The following PIP5K1B variants were observed in gnomAD, a reference collection of about 807,000 sequenced individuals.
PIP5K1B encodes phosphatidylinositol-4-phosphate 5-kinase type 1 beta.
In PIP5K1B, 42 loss-of-function variants were observed where a neutral mutation model predicts 67.0. The ratio of observed to expected loss-of-function variants is 0.63; its 90% confidence interval spans 0.49 to 0.81. The LOEUF (loss-of-function observed/expected upper bound fraction) is 0.81. Ranked by LOEUF, PIP5K1B falls within the 30% of genes least tolerant of loss-of-function variation. The pLI is 0.00. For missense variants in PIP5K1B, 459 were observed against 646.3 expected (o/e 0.71, Z 3.14); for synonymous variants, 214 against 231.4 (o/e 0.92, Z 0.68).
At chr9:68,854,649 T>C (rs1457633579) in intron 4 of PIP5K1B, among the ~76,000 whole-genome samples, 4 of 152,244 alleles carry the variant, frequency 2.6e-5, no homozygotes, top group African/African-American at 7.2e-5. Flanking sequence ...GAGCAACTCC[T>C]AAACATGCCT....
chr9:68,909,684 G>T (rs895805143), intron 8 of PIP5K1B, among the ~76,000 whole-genome samples: 1 of 152,124 alleles, frequency 6.6e-6, no homozygotes, highest in African/African-American at 2.4e-5. Context: ...TCTCTTGTGC[G>T]TTTTTTCTGT....
At chr9:68,764,626 A>G (rs1830344130) in intron 2 of PIP5K1B, among the ~76,000 whole-genome samples, 1 of 152,090 alleles carries the variant, frequency 6.6e-6, no homozygotes, top group Non-Finnish European at 1.5e-5. Flanking sequence ...GTTTAATGCT[A>G]TAATGTTACC....
At chr9:68,953,276 G>A (rs963241381) in intron 14 of PIP5K1B, among the ~76,000 whole-genome samples, 2 of 151,474 alleles carry the variant, frequency 1.3e-5, no homozygotes, top group East Asian at 3.9e-4. Context: ...TTTTTTGTTC[G>A]CTGAGATTTT....
intron 11 of PIP5K1B, among the ~76,000 whole-genome samples, chr9:68,920,761 C>T (rs1587668454): frequency 6.9e-6 from 1 of 144,852 alleles, no homozygotes; most frequent in East Asian, 2.1e-4. Context: ...CCCATTCCGT[C>T]TCTGTCTCTC....
intron 1 of PIP5K1B, among the ~76,000 whole-genome samples, chr9:68,733,748 T>G (rs1214743212): frequency 6.8e-6 from 1 of 147,798 alleles, no homozygotes; most frequent in Non-Finnish European, 1.5e-5. Flanking sequence ...CAGGCAATTC[T>G]CCTGCGTCAG....
intron 2 of PIP5K1B, among the ~76,000 whole-genome samples, chr9:68,762,087 A>T (rs1292140424): frequency 6.6e-6 from 1 of 152,100 alleles, no homozygotes; most frequent in Non-Finnish European, 1.5e-5. Context: ...TTAACTGAAG[A>T]GATTCTCTTC....
intron 8 of PIP5K1B, among the ~76,000 whole-genome samples, chr9:68,903,323 A>G (rs1825455750): frequency 6.6e-6 from 1 of 152,248 alleles, no homozygotes; most frequent in African/African-American, 2.4e-5. Flanking sequence ...AGGTTTTAGT[A>G]ATAACCTACA....
At chr9:68,941,764 A>T (rs1827573109) in intron 14 of PIP5K1B, among the ~76,000 whole-genome samples, 1 of 152,194 alleles carries the variant, frequency 6.6e-6, no homozygotes, top group African/African-American at 2.4e-5. Context: ...AAGAGGAATC[A>T]ATAAGGTAGA....
intron 2 of PIP5K1B, among the ~76,000 whole-genome samples, chr9:68,779,597 G>C (rs1002877105): frequency 2.0e-5 from 3 of 152,130 alleles, no homozygotes; most frequent in Admixed American, 1.3e-4. Flanking sequence ...CGTCAGGCCA[G>C]CCCTCACTCT....
intron 4 of PIP5K1B, among the ~76,000 whole-genome samples, chr9:68,830,130 CAAAAA>C (rs548319037): frequency 1.4e-5 from 2 of 143,986 alleles, no homozygotes; most frequent in Non-Finnish European, 3.1e-5. Flanking sequence ...GACCCCATCT[CAAAAA>C]AAAAAATAGT....
intron 15 of PIP5K1B, 34 bp downstream of exon 15, chr9:68,991,291 C>A (rs2132957105): frequency 8.8e-7 from 1 of 1,134,068 alleles, no homozygotes; most frequent in African/African-American, 1.5e-5. Flanking sequence ...TCCTCCACTT[C>A]TGGTTTGTAA....
intron 5 of PIP5K1B, among the ~76,000 whole-genome samples, chr9:68,866,325 C>T (rs1482388859): frequency 6.6e-6 from 1 of 151,520 alleles, no homozygotes; most frequent in Non-Finnish European, 1.5e-5. Context: ...AAATTACCTC[C>T]CTCATTTTCT....
chr9:68,915,914 A>G (rs1183741122), intron 8 of PIP5K1B, among the ~76,000 whole-genome samples: 1 of 152,236 alleles, frequency 6.6e-6, no homozygotes, highest in Non-Finnish European at 1.5e-5. Context: ...GCCATACTTC[A>G]CAAAGCCTTT....
intron 2 of PIP5K1B, among the ~76,000 whole-genome samples, chr9:68,768,915 T>C (rs1185199433): frequency 6.6e-6 from 1 of 152,174 alleles, no homozygotes; most frequent in East Asian, 1.9e-4. Context: ...GTGCTAATAA[T>C]AAAGTAAAGA....
chr9:68,914,589 C>T (rs1826008092), intron 8 of PIP5K1B, among the ~76,000 whole-genome samples: 1 of 152,110 alleles, frequency 6.6e-6, no homozygotes, highest in South Asian at 2.1e-4. Context: ...GTGGCAGGCG[C>T]CTGTAGTCCC....
intron 14 of PIP5K1B, among the ~76,000 whole-genome samples, chr9:68,941,828 TA>T (rs1245857754): frequency 1.3e-5 from 2 of 152,204 alleles, no homozygotes; most frequent in Non-Finnish European, 2.9e-5. Flanking sequence ...TTTGGTAAGT[TA>T]AAGTTTGCTA....
At chr9:68,790,160 C>G (rs187598440) in intron 2 of PIP5K1B, among the ~76,000 whole-genome samples, 15 of 152,262 alleles carry the variant, frequency 9.9e-5, no homozygotes, top group African/African-American at 3.6e-4. Context: ...AAGGATCATG[C>G]TTACCTCTTC....
chr9:68,968,425 C>T (rs1829152691), intron 14 of PIP5K1B, among the ~76,000 whole-genome samples: 1 of 147,774 alleles, frequency 6.8e-6, no homozygotes, highest in Admixed American at 7.0e-5. Flanking sequence ...GAGGCTGAGG[C>T]AGGAGAATCG....
chr9:68,716,344 G>A (rs1210616240), intron 1 of PIP5K1B, among the ~76,000 whole-genome samples: 1 of 152,144 alleles, frequency 6.6e-6, no homozygotes, highest in Non-Finnish European at 1.5e-5. Context: ...TCCCATCACA[G>A]AATATAACAT....
Sources: gnomAD v4.1 joint callset for allele counts (sites outside exome capture counted in the v4.1 genomes callset) on GRCh38, gnomAD v4.1.1 for gene constraint, MANE v1.5 for transcripts, NCBI Gene and HGNC (gene_info 2026-07-23, HGNC 2026-07-21) for gene names.